THEMIS2: variants seen among roughly 807,000 people sequenced by gnomAD.
THEMIS2 encodes protein THEMIS2.
THEMIS2 carries 29 observed loss-of-function variants against 46.8 expected under a neutral mutation model. That is an observed-to-expected ratio of 0.62 (90% confidence interval 0.46 to 0.84). The LOEUF (loss-of-function observed/expected upper bound fraction) is 0.84, where lower values mean the gene tolerates loss of function less well. Ranked by LOEUF, THEMIS2 falls within the 40% of genes least tolerant of loss-of-function variation. THEMIS2 has a pLI of 0.00. For synonymous variants in THEMIS2, 335 were observed against 349.1 expected (o/e 0.96, Z 0.45); for missense variants, 698 against 834.7 (o/e 0.84, Z 2.02).
Position 27,886,366 on chromosome 1 carries a change from G to A in THEMIS2, c.*444G>A. The A allele has an allele frequency of 5.0e-6, 1 of 198,240 alleles. No homozygotes were observed. The highest frequency in any genetic ancestry group is 1.1e-5 in the Non-Finnish European group (1 of 94,990). 12.3% of individuals were successfully genotyped at this position (198,240 alleles called of 1,614,324 possible). ...CAAGCTCTAAGCCCCCGGGAGGCCT[G>A]GACTGTCTTCCTCATCTCTGTAGCA... On this transcript the variant is annotated 3_prime_UTR_variant, in exon 6 of 6. Coordinates refer to ENST00000373921, the MANE Select transcript of THEMIS2 (RefSeq NM_001105556.3).
rs76203832 is a variant in THEMIS2 at position 27,885,939 on chromosome 1, G to C, written c.*17G>C. On this transcript the variant is annotated 3_prime_UTR_variant, in exon 6 of 6. Transcript: ENST00000373921. Reference sequence around the variant, plus strand: ...ACCATCTAAGTGCTGGAGGAACCACGCTTCCTAACTGCTGCTTCTCAGGGA... The same window carrying C: ...ACCATCTAAGTGCTGGAGGAACCACCCTTCCTAACTGCTGCTTCTCAGGGA... 2.0e-5 allele frequency: 32 copies of C among 1,613,098 alleles called. No individual in the cohort carries two copies. In the Admixed American group the frequency reaches 5.3e-4, roughly 27 times the overall value.
At chr1:27,878,582 T>C (rs1033128900) in intron 2 of THEMIS2, among the ~76,000 whole-genome samples, 1 of 65,144 alleles carries the variant, frequency 1.5e-5, no homozygotes, top group Non-Finnish European at 3.3e-5. Context: ...CACACACGAA[T>C]GTATTACTAT....
At chr1:27,875,204 C>T (rs944287823) in intron 1 of THEMIS2, among the ~76,000 whole-genome samples, 5 of 152,156 alleles carry the variant, frequency 3.3e-5, no homozygotes, top group African/African-American at 9.7e-5. Context: ...ATCTCGAACT[C>T]CTGATCTCAG....
chr1:27,877,451 G>A (rs113913465), intron 2 of THEMIS2, among the ~76,000 whole-genome samples: 3 of 151,966 alleles, frequency 2.0e-5, no homozygotes, highest in East Asian at 1.9e-4. Context: ...TCAGCCTCCC[G>A]AGTAGCTGGG....
In THEMIS2 at chr1:27,876,578, G is replaced by A; in HGVS notation, c.95-10G>A. On this transcript the variant is annotated splice_polypyrimidine_tract_variant and intron_variant, in intron 1 of 5. Transcript: ENST00000373921. ...TGTCCAATGGGGAAATGGAGTCCTT[G>A]TCTCCGCAGGCTCCATCTATGAGAT... 1 of 1,612,308 alleles carries A rather than the reference G, an allele frequency of 6.2e-7. No homozygotes were observed. The highest frequency in any genetic ancestry group is 8.5e-7 in the Non-Finnish European group (1 of 1,178,880).
chr1:27,882,609 A>G lies in THEMIS2; in HGVS notation c.1285A>G (p.Ser429Gly). The G allele has an allele frequency of 6.2e-7, 1 of 1,614,138 alleles. No homozygotes were observed. Residue 429 changes from serine (S) to glycine (G), a missense_variant, in exon 4 of 6, where the codon AGT (serine) becomes GGT (glycine). By Grantham distance (56) the Ser-to-Gly change is moderately conservative (BLOSUM62 0). Coordinates refer to ENST00000373921, the MANE Select transcript of THEMIS2 (RefSeq NM_001105556.3). The surrounding 1 kb of genome is among the most constrained non-coding windows in gnomAD (Gnocchi z 7.6). ...CCTGCTGCCCTTCCACTTCCCTGGC[A>G]GTTTCGTGGAGGAGATGAGTGACAG... ...RVLLPFHFPG[S>G]FVEEMSDSRR...
Position 27,882,673 on chromosome 1 carries a change from C to T in THEMIS2, c.1349C>T (p.Ser450Leu). Residue 450 changes from serine to leucine, a missense_variant, in exon 4 of 6, where the codon TCA becomes TTA. By Grantham distance (145) the Ser-to-Leu change is moderately radical. Transcript: ENST00000373921. This position sits in a 1 kb window ranked among gnomAD's most constrained non-coding sequence, Gnocchi z 7.6. ...CTGGCAGATCTGACTGCCCAGTTTT[C>T]ACTGCCTTGTGAGGTCAAGGTGGTG... is the stretch of plus-strand genomic sequence containing the variant. ...YSLADLTAQF[S>L]LPCEVKVVAK... 1.2e-6 allele frequency: 2 copies of T among 1,614,144 alleles called. No individual in the cohort carries two copies. Among genetic ancestry groups the T allele is most frequent in the Non-Finnish European group, 1.7e-6 (2 of 1,180,032 alleles).
At chr1:27,880,606 T>C (rs1439934272) in intron 3 of THEMIS2, among the ~76,000 whole-genome samples, 2 of 152,194 alleles carry the variant, frequency 1.3e-5, no homozygotes, top group Non-Finnish European at 2.9e-5. Context: ...CTAGGCAACA[T>C]AGCAAGACCC....
At position 27,886,187 on chromosome 1, in the gene THEMIS2, C is replaced by T. The variant is rs1305220693; in HGVS notation, c.*265C>T. 4.1e-6 allele frequency: 2 copies of T among 488,162 alleles called. No homozygotes were observed. Among genetic ancestry groups the T allele is most frequent in the Non-Finnish European group, 3.7e-6 (1 of 270,290 alleles). The allele number at this position is 488,162 out of a possible 1,614,324, so 30.2% of individuals were successfully genotyped here. A position where few individuals can be genotyped will look rare whatever the true frequency, so the allele number is the denominator to read the frequency against. ...GAGCCTTGGGATGCAGAGCAGCTGG[C>T]AGGGTTCCTCTCAATCCTGCAACCC... On this transcript the variant is annotated 3_prime_UTR_variant, in exon 6 of 6. Coordinates refer to ENST00000373921, the MANE Select transcript of THEMIS2 (RefSeq NM_001105556.3).
intron 2 of THEMIS2, among the ~76,000 whole-genome samples, chr1:27,877,918 G>A (rs963109721): frequency 2.2e-4 from 33 of 152,050 alleles, no homozygotes; most frequent in Non-Finnish European, 3.8e-4. Flanking sequence ...GGGAGGCTGA[G>A]GCGGGTGGAT....
In THEMIS2 at chr1:27,872,605, G is replaced by T. The variant is rs1313055288; in HGVS notation, c.34G>T (p.Ala12Ser). The change falls in exon 1 of 6, where the codon GCC becomes TCC. Residue 12 changes from alanine (A) to serine (S), a missense_variant. Transcript: ENST00000373921. The surrounding 1 kb of genome is among the most constrained non-coding windows in gnomAD (Gnocchi z 4.9). ...EPVPLQDFVR[A>S]LDPASLPRVL... ...GGTGCCGCTGCAGGACTTCGTGCGCGCCTTGGACCCCGCCTCCCTCCCGCG... is the reference window on the plus strand; with the variant it reads ...GGTGCCGCTGCAGGACTTCGTGCGCTCCTTGGACCCCGCCTCCCTCCCGCG... The T allele has an allele frequency of 4.7e-6, 7 of 1,484,712 alleles. No individual in the cohort carries two copies. Among genetic ancestry groups the T allele is most frequent in the East Asian group, 2.9e-5 (1 of 34,614 alleles). 92.0% of individuals were successfully genotyped at this position (1,484,712 alleles called of 1,614,324 possible).
rs146082808 is a variant in THEMIS2, at chr1:27,878,836, C to T, written c.236-808C>T. 3.7e-3 allele frequency among the ~76,000 whole-genome samples: 567 copies of T among 152,266 alleles called. 4 individuals carry two copies. The highest frequency in any genetic ancestry group is 0.013 in the African/African-American group (523 of 41,548). ...AATATGCTTTATAGCAGTTTTTCCC[C>T]TCAATCCAGAGTCCAGTCCTAGATC... On this transcript the variant is annotated intron_variant, in intron 2 of 5. Coordinates refer to ENST00000373921, the MANE Select transcript of THEMIS2 (RefSeq NM_001105556.3).
intron 2 of THEMIS2, among the ~76,000 whole-genome samples, chr1:27,877,682 A>G (rs1188910360): frequency 6.6e-6 from 1 of 152,148 alleles, no homozygotes; most frequent in Non-Finnish European, 1.5e-5. Flanking sequence ...CTGGACCCTG[A>G]AGCCAGTGGC....
In THEMIS2 at chr1:27,884,817, A is replaced by G. The variant is rs180754941; in HGVS notation, c.1720-478A>G. 471 of 160,392 alleles carry G rather than the reference A, an allele frequency of 2.9e-3. 19 individuals are homozygous for G. The Admixed American group carries it at 0.03, about 10-fold the overall frequency. 9.9% of individuals were successfully genotyped at this position (160,392 alleles called of 1,614,324 possible). A position where few individuals can be genotyped will look rare whatever the true frequency, so the allele number is the denominator to read the frequency against. On this transcript the variant is annotated intron_variant, in intron 4 of 5. Transcript: ENST00000373921. ...TTTGACAAGGCACACTTTCTCTCCT[A>G]CATAAACTGGGAATTGAAACCACTC...
chr1:27,875,004 A>G (rs2089552437), intron 1 of THEMIS2, among the ~76,000 whole-genome samples: 2 of 145,984 alleles, frequency 1.4e-5, no homozygotes, highest in Admixed American at 6.9e-5. Flanking sequence ...TTTGAGATGG[A>G]GTCTCCCTCT....
In THEMIS2 at chr1:27,882,833, G is replaced by A. The variant is rs1313528075; in HGVS notation, c.1509G>A (p.Arg503=). 6.2e-7 allele frequency: 1 copy of A among 1,613,836 alleles called. No homozygotes were observed. Reference sequence around the variant, plus strand: ...GGATGTGCTTTGAGATCCCTCCCCGGTGGCTGGACCTGACTGTTGTGAAGG... The same window carrying A: ...GGATGTGCTTTGAGATCCCTCCCCGATGGCTGGACCTGACTGTTGTGAAGG... ...EPGMCFEIPP[R]WLDLTVVKAK... The change falls in exon 4 of 6, where the codon CGG becomes CGA. Residue 503 remains arginine, a synonymous_variant. Coordinates refer to ENST00000373921, the MANE Select transcript of THEMIS2 (RefSeq NM_001105556.3). The surrounding 1 kb of genome is among the most constrained non-coding windows in gnomAD (Gnocchi z 7.6).
intron 1 of THEMIS2, among the ~76,000 whole-genome samples, chr1:27,873,507 C>T (rs530921337): frequency 6.6e-6 from 1 of 152,112 alleles, no homozygotes; most frequent in East Asian, 1.9e-4. Flanking sequence ...AGGCCCTGCC[C>T]CATCCTGTTC....
At position 27,883,042 on chromosome 1, in the gene THEMIS2, A is replaced by G. The variant is rs1299129026; in HGVS notation, c.1718A>G (p.Lys573Arg). 1.2e-6 allele frequency: 2 copies of G among 1,611,946 alleles called. No individual in the cohort carries two copies. The highest frequency in any genetic ancestry group is 1.7e-6 in the Non-Finnish European group (2 of 1,179,062). ...QRRHSSEGGV[K>R]SSQVLGLQQH... ...AGACACAGCAGTGAGGGAGGCGTCA[A>G]GGTACTAGTATAATCCCAGAGGGCA... The change falls in exon 4 of 6, where the codon AAG (lysine) becomes AGG (arginine). Residue 573 changes from lysine (K) to arginine (R), a missense_variant and splice_region_variant. Coordinates refer to ENST00000373921, the MANE Select transcript of THEMIS2 (RefSeq NM_001105556.3).
chr1:27,885,246 G>A, intron 4 of THEMIS2, 49 bp from the exon 5 acceptor site: 1 of 1,599,230 alleles, frequency 6.3e-7, no homozygotes, highest in Non-Finnish European at 8.5e-7. Context: ...CATGGACTCT[G>A]CTTCCCCATT....
Sources: allele counts gnomAD v4.1 joint callset (sites outside exome capture counted in the v4.1 genomes callset), GRCh38; gene constraint gnomAD v4.1.1; non-coding constraint Gnocchi (gnomAD v3.1); transcripts MANE v1.5; gene names NCBI Gene and HGNC (gene_info 2026-07-23, HGNC 2026-07-21).